The following MED13L variants were observed in gnomAD, a reference collection of about 807,000 sequenced individuals.
MED13L encodes mediator complex subunit 13L.
A neutral mutation model predicts 220.9 loss-of-function variants in MED13L; 7 were observed. That is an observed-to-expected ratio of 0.03 (90% confidence interval 0.02 to 0.06). MED13L has a LOEUF of 0.06. Among genes scored for constraint, MED13L ranks in the 10% least tolerant of loss-of-function variants. The probability of loss-of-function intolerance (pLI) is 1.00; values close to 1 mark genes in which losing one functional copy is unlikely to be tolerated. For synonymous variants in MED13L, 1,011 were observed against 1,015.2 expected, an observed-to-expected ratio of 1.00 and a Z score of 0.08; for missense variants, 1,965 against 2,760.5, an observed-to-expected ratio of 0.71 and a Z score of 6.46.
At chr12:116,127,124 C>G (rs1373225068) in intron 2 of MED13L, among the ~76,000 whole-genome samples, 2 of 152,068 alleles carry the variant, frequency 1.3e-5, no homozygotes, top group East Asian at 3.8e-4. Flanking sequence ...TATTAAAAAG[C>G]ATAACAATAA....
chr12:116,007,405 TG>T lies in MED13L; in HGVS notation c.2238+5del. 6.2e-7 allele frequency: 1 copy of T among 1,605,900 alleles called. No individual in the cohort carries two copies. Among genetic ancestry groups the T allele is most frequent in the Non-Finnish European group, 8.5e-7 (1 of 1,172,576 alleles). The stretch of plus-strand genomic sequence containing the variant: ...CATGCTGGACTCTCTCTCTGTTAAA[TG>T]GTACCTTATTCTTTTTCAGGGAATC... On this transcript the variant is annotated splice_donor_5th_base_variant and intron_variant, in intron 11 of 30. Coordinates refer to ENST00000281928, the MANE Select transcript of MED13L (RefSeq NM_015335.5).
Position 116,008,688 on chromosome 12 carries a change from C to T in MED13L, c.1725G>A (p.Ser575=), listed in dbSNP as rs77263223. ...CATAAAGGGCTGGATTCACAGGGAC[C>T]GATGGTGGGTCCAAACTCTCTGTTT... The part of the protein sequence containing the change: ...GQETESLDPP[S]VPVNPALYGN... Residue 575 remains serine, a synonymous_variant, in exon 10 of 31, where the codon TCG becomes TCA. Transcript: ENST00000281928. The T allele has an allele frequency of 4.8e-4, 778 of 1,613,968 alleles. 3 individuals are homozygous for T. In the African/African-American group the frequency reaches 9.3e-3, roughly 19 times the overall value.
At chr12:116,139,429 G>A (rs1876861358) in intron 2 of MED13L, among the ~76,000 whole-genome samples, 1 of 151,852 alleles carries the variant, frequency 6.6e-6, no homozygotes, top group African/African-American at 2.4e-5. Context: ...GCCTTTCAGG[G>A]GTCAGTATTA....
rs1379791992 is a variant in MED13L at position 116,090,858 on chromosome 12, C to T, written c.479+5811G>A. Among the ~76,000 whole-genome samples, 4 of 152,156 alleles carry T rather than the reference C, an allele frequency of 2.6e-5. No individual in the cohort carries two copies. In the East Asian group the frequency reaches 7.7e-4, roughly 29 times the overall value. On this transcript the variant is annotated intron_variant, in intron 4 of 30. Coordinates refer to ENST00000281928, the MANE Select transcript of MED13L (RefSeq NM_015335.5). ...ACAAGGTATAGGTCAGGCGCAGTGGCTGATGCCTGTAATCCCAGCACTTTG... is the reference window on the plus strand; with the variant it reads ...ACAAGGTATAGGTCAGGCGCAGTGGTTGATGCCTGTAATCCCAGCACTTTG...
At chr12:115,979,262 T>G (rs1877164734) in intron 23 of MED13L, among the ~76,000 whole-genome samples, 1 of 152,250 alleles carries the variant, frequency 6.6e-6, no homozygotes, top group Non-Finnish European at 1.5e-5. Flanking sequence ...TGCCATTTAT[T>G]TTAATCTAAA....
chr12:116,230,865 G>A (rs1170793885), intron 2 of MED13L, among the ~76,000 whole-genome samples: 1 of 152,096 alleles, frequency 6.6e-6, no homozygotes, highest in Non-Finnish European at 1.5e-5. Flanking sequence ...TCAATTGAAA[G>A]TTCACAGACT....
chr12:116,197,948 T>A (rs78927467), intron 2 of MED13L, among the ~76,000 whole-genome samples: 41 of 152,294 alleles, frequency 2.7e-4, no homozygotes, highest in Middle Eastern at 6.8e-3. Context: ...AACATGTTCA[T>A]ATAAAAGCAA....
chr12:116,205,188 T>A (rs909391828), intron 2 of MED13L, among the ~76,000 whole-genome samples: 1 of 152,174 alleles, frequency 6.6e-6, no homozygotes, highest in South Asian at 2.1e-4. Context: ...ATTTTATCCT[T>A]ATCCATTTGC....
chr12:116,067,210 A>C (rs1439814145), intron 4 of MED13L, among the ~76,000 whole-genome samples: 1 of 152,156 alleles, frequency 6.6e-6, no homozygotes, highest in Non-Finnish European at 1.5e-5. Flanking sequence ...ATACATCCAT[A>C]ATATTTGTAT....
chr12:116,149,934 G>A (rs1404949808), intron 2 of MED13L, among the ~76,000 whole-genome samples: 2 of 152,168 alleles, frequency 1.3e-5, no homozygotes, highest in African/African-American at 4.8e-5. Context: ...AAAAAGAAAG[G>A]TGTGATATTT....
chr12:116,065,574 C>T (rs1191239086), intron 4 of MED13L, among the ~76,000 whole-genome samples: 1 of 152,064 alleles, frequency 6.6e-6, no homozygotes, highest in African/African-American at 2.4e-5. Context: ...CAGATCCAAG[C>T]TTTACTTATA....
chr12:116,002,540 A>G (rs181621357), intron 14 of MED13L, among the ~76,000 whole-genome samples: 270 of 152,318 alleles, frequency 1.8e-3, no homozygotes, highest in African/African-American at 5.4e-3. Context: ...AAACTAGTTG[A>G]TCTCAAAAGG....
At chr12:116,105,658 A>G (rs920854091) in intron 3 of MED13L, among the ~76,000 whole-genome samples, 1 of 152,224 alleles carries the variant, frequency 6.6e-6, no homozygotes, top group Non-Finnish European at 1.5e-5. Context: ...CTGTTTCAGT[A>G]ACATAACTGG....
At chr12:116,067,307 A>G (rs1490095397) in intron 4 of MED13L, among the ~76,000 whole-genome samples, 2 of 152,312 alleles carry the variant, frequency 1.3e-5, no homozygotes, top group East Asian at 3.9e-4. Context: ...GAACCAATGA[A>G]GTATGGTATT....
At chr12:116,227,990 A>T (rs1869172335) in intron 2 of MED13L, among the ~76,000 whole-genome samples, 1 of 152,210 alleles carries the variant, frequency 6.6e-6, no homozygotes, top group Non-Finnish European at 1.5e-5. Flanking sequence ...CAAACACATG[A>T]ATGATAAGAA....
In MED13L at chr12:116,039,452, G is replaced by A. The variant is rs148032243; in HGVS notation, c.480-16851C>T. On this transcript the variant is annotated intron_variant, in intron 4 of 30. Coordinates refer to ENST00000281928, the MANE Select transcript of MED13L (RefSeq NM_015335.5). ...TTCCATACTCTTCCCATGCCATAGA[G>A]CTACACCAGAGGCAGGTTTTCTTTT... Among the ~76,000 whole-genome samples the A allele has an allele frequency of 1.3e-3, 198 of 152,278 alleles. 1 individual carries two copies. Among genetic ancestry groups the A allele is most frequent in the African/African-American group, 4.5e-3 (189 of 41,550 alleles).
At chr12:116,120,687 C>T (rs1241993496) in intron 2 of MED13L, among the ~76,000 whole-genome samples, 7 of 151,858 alleles carry the variant, frequency 4.6e-5, no homozygotes, top group South Asian at 2.1e-4. Context: ...AATCTCTCCA[C>T]GGCATGCTGT....
chr12:116,184,124 A>C (rs1880724302), intron 2 of MED13L, among the ~76,000 whole-genome samples: 1 of 152,162 alleles, frequency 6.6e-6, no homozygotes, highest in Non-Finnish European at 1.5e-5. Context: ...GTTTCAACAA[A>C]TGTACTATTC....
chr12:116,172,979 G>C (rs1349060707), intron 2 of MED13L, among the ~76,000 whole-genome samples: 1 of 141,898 alleles, frequency 7.0e-6, no homozygotes, highest in Non-Finnish European at 1.5e-5. Flanking sequence ...ACAGATAAAA[G>C]TTGTCACTCC....
Sources: gnomAD v4.1 joint callset for allele counts (sites outside exome capture counted in the v4.1 genomes callset) on GRCh38, gnomAD v4.1.1 for gene constraint, MANE v1.5 for transcripts, NCBI Gene and HGNC (gene_info 2026-07-23, HGNC 2026-07-21) for gene names.